CDH20: variants seen among roughly 807,000 people sequenced by gnomAD.
The protein encoded by CDH20 is cadherin 20.
In CDH20, 29 loss-of-function variants were observed where a neutral mutation model predicts 74.2. The ratio of observed to expected loss-of-function variants is 0.39; its 90% CI spans 0.29 to 0.53. The LOEUF is 0.53. Ranked by LOEUF, CDH20 falls within the 20% of genes least tolerant of loss-of-function variation. The probability of loss-of-function intolerance (pLI) is 0.69; values close to 1 mark genes in which losing one functional copy is unlikely to be tolerated. For missense variants in CDH20, 988 were observed against 1,048.3 expected, an observed-to-expected ratio of 0.94 and a Z score of 0.79; for synonymous variants, 469 against 405.4, an observed-to-expected ratio of 1.16 and a Z score of -1.88.
At chr18:61,352,799 C>A (rs1182504788) in intron 1 of CDH20, among the ~76,000 whole-genome samples, 1 of 152,204 alleles carries the variant, frequency 6.6e-6, no homozygotes, top group Non-Finnish European at 1.5e-5. Context: ...TTTCCTGTAA[C>A]TGCCCAACAC....
At chr18:61,475,890 G>T (rs1409549985) in intron 1 of CDH20, among the ~76,000 whole-genome samples, 2 of 152,038 alleles carry the variant, frequency 1.3e-5, no homozygotes, top group Non-Finnish European at 2.9e-5. Context: ...AACTTGTTCT[G>T]TTTTTTAAAT....
intron 1 of CDH20, among the ~76,000 whole-genome samples, chr18:61,399,411 G>A (rs530390870): frequency 2.0e-5 from 3 of 152,050 alleles, no homozygotes; most frequent in Admixed American, 6.6e-5. Context: ...TAGCTAGAAG[G>A]CCACATATGG....
chr18:61,491,612 C>T (rs77838920), intron 2 of CDH20, among the ~76,000 whole-genome samples: 3,222 of 152,286 alleles, frequency 0.021, 126 homozygotes, highest in African/African-American at 0.074. Context: ...CTGCTCATCT[C>T]GGCTTCCTCA....
chr18:61,499,616 A>T (rs1185977662), intron 3 of CDH20, 136 bp downstream of exon 3: 2 of 730,814 alleles, frequency 2.7e-6, no homozygotes, highest in East Asian at 5.5e-5. Flanking sequence ...GAAGCTCACC[A>T]ATTATAAAGC....
At chr18:61,510,979 TC>T (rs374940972) in intron 6 of CDH20, among the ~76,000 whole-genome samples, 2 of 11,512 alleles carry the variant, frequency 1.7e-4, no homozygotes, top group East Asian at 1.8e-3. Flanking sequence ...TTTCTTTCTT[TC>T]TTTTTTTTTT....
chr18:61,521,674 A>G (rs1033059222), intron 6 of CDH20, among the ~76,000 whole-genome samples: 2 of 151,356 alleles, frequency 1.3e-5, no homozygotes, highest in African/African-American at 4.9e-5. Context: ...AAAATCCTCA[A>G]TAACATACTG....
At chr18:61,387,125 T>C (rs1278531003) in intron 1 of CDH20, among the ~76,000 whole-genome samples, 2 of 152,212 alleles carry the variant, frequency 1.3e-5, no homozygotes, top group Admixed American at 6.5e-5. Context: ...TTTTCATCCA[T>C]ACATCTATTC....
intron 1 of CDH20, among the ~76,000 whole-genome samples, chr18:61,364,129 G>C (rs1467672722): frequency 2.6e-5 from 4 of 152,054 alleles, no homozygotes; most frequent in Non-Finnish European, 4.4e-5. Context: ...CTGCTGGTGG[G>C]GGGGAACATG....
intron 7 of CDH20, 93 bp from the exon 8 acceptor site, chr18:61,536,400 T>C (rs931111336): frequency 1.0e-5 from 10 of 977,290 alleles, no homozygotes; most frequent in East Asian, 2.4e-5. Context: ...GGTGGAACCA[T>C]GTTTCATATG....
chr18:61,426,074 C>T (rs1186050838), intron 1 of CDH20, among the ~76,000 whole-genome samples: 1 of 152,038 alleles, frequency 6.6e-6, no homozygotes. Context: ...CTTTGTTGAA[C>T]TCATTCATTA....
intron 7 of CDH20, among the ~76,000 whole-genome samples, chr18:61,532,717 G>A (rs961022724): frequency 2.6e-5 from 4 of 152,034 alleles, no homozygotes; most frequent in Non-Finnish European, 5.9e-5. Flanking sequence ...AGCTACATCT[G>A]AAAAACAATG....
Position 61,446,543 on chromosome 18 carries a change from C to G in CDH20, c.-152-43859C>G, listed in dbSNP as rs56346706. 3.8e-3 allele frequency among the ~76,000 whole-genome samples: 584 copies of G among 152,236 alleles called. 1 individual carries two copies. Among genetic ancestry groups the G allele is most frequent in the African/African-American group, 0.013 (557 of 41,552 alleles). ...AGTACCTTATAAGTTTTTACACCCT[C>G]TTCATTATCTACTCTCTTTTTCATC... On this transcript the variant is annotated intron_variant, in intron 1 of 11. Coordinates refer to ENST00000262717, the MANE Select transcript of CDH20 (RefSeq NM_031891.4).
At chr18:61,385,490 C>CA (rs1307949475) in intron 1 of CDH20, among the ~76,000 whole-genome samples, 1 of 150,076 alleles carries the variant, frequency 6.7e-6, no homozygotes, top group African/African-American at 2.5e-5. Flanking sequence ...AATCAAAAGG[C>CA]AAAAATGGAC....
At chr18:61,407,931 T>C (rs1027272092) in intron 1 of CDH20, among the ~76,000 whole-genome samples, 4 of 152,242 alleles carry the variant, frequency 2.6e-5, no homozygotes, top group African/African-American at 9.6e-5. Context: ...ATAAGGCCTG[T>C]AGCTTAGTTA....
intron 1 of CDH20, among the ~76,000 whole-genome samples, chr18:61,457,712 AT>A (rs1202093354): frequency 4.6e-5 from 7 of 151,982 alleles, no homozygotes; most frequent in African/African-American, 1.4e-4. Context: ...CATTGGTGTT[AT>A]TTTTTTTAAA....
At chr18:61,399,172 T>C (rs1258669448) in intron 1 of CDH20, among the ~76,000 whole-genome samples, 3 of 132,870 alleles carry the variant, frequency 2.3e-5, no homozygotes, top group Non-Finnish European at 3.2e-5. Context: ...CCTGACTGCA[T>C]AGTCATTCAT....
intron 11 of CDH20, among the ~76,000 whole-genome samples, chr18:61,551,136 G>A (rs1195636634): frequency 6.6e-6 from 1 of 152,136 alleles, no homozygotes; most frequent in Non-Finnish European, 1.5e-5. Context: ...TGGTATGTAA[G>A]GCCATCCTTG....
intron 1 of CDH20, among the ~76,000 whole-genome samples, chr18:61,468,005 A>T (rs1910026514): frequency 6.6e-6 from 1 of 151,932 alleles, no homozygotes; most frequent in African/African-American, 2.4e-5. Context: ...ATGCACAAAG[A>T]GGTTAAGTAC....
At chr18:61,352,268 C>T (rs1290606621) in intron 1 of CDH20, among the ~76,000 whole-genome samples, 1 of 152,192 alleles carries the variant, frequency 6.6e-6, no homozygotes, top group African/African-American at 2.4e-5. Flanking sequence ...TAATTTCAAT[C>T]TGAGCTGTAG....
Sources: allele counts gnomAD v4.1 joint callset (sites outside exome capture counted in the v4.1 genomes callset), GRCh38; gene constraint gnomAD v4.1.1; transcripts MANE v1.5; gene names NCBI Gene and HGNC (gene_info 2026-07-23, HGNC 2026-07-21).